CAMTA1: variants seen among roughly 807,000 people sequenced by gnomAD.
The protein encoded by CAMTA1 is calmodulin-binding transcription activator 1.
A neutral mutation model predicts 170.9 loss-of-function variants in CAMTA1; 27 were observed. The ratio of observed to expected loss-of-function variants is 0.16; its 90% CI spans 0.12 to 0.22. CAMTA1 has a LOEUF of 0.22. Ranked by LOEUF, CAMTA1 falls within the 10% of genes least tolerant of loss-of-function variation. CAMTA1 has a pLI of 1.00. For synonymous variants in CAMTA1, 833 were observed against 891.5 expected, an observed-to-expected ratio of 0.93 and a Z score of 1.17; for missense variants, 1,619 against 2,217.2, an observed-to-expected ratio of 0.73 and a Z score of 5.42.
intron 3 of CAMTA1, among the ~76,000 whole-genome samples, chr1:6,982,248 G>A (rs1694562407): frequency 6.6e-6 from 1 of 152,172 alleles, no homozygotes; most frequent in African/African-American, 2.4e-5. Context: ...GATGGCCAGT[G>A]TCTGGGAGAT....
chr1:7,576,871 G>A (rs1315208179), intron 6 of CAMTA1, among the ~76,000 whole-genome samples: 3 of 152,184 alleles, frequency 2.0e-5, no homozygotes, highest in African/African-American at 7.2e-5. Flanking sequence ...CAGAGAGGTA[G>A]GAGGACGGGG....
intron 5 of CAMTA1, among the ~76,000 whole-genome samples, chr1:7,261,504 A>G (rs1040016309): frequency 1.3e-5 from 2 of 152,228 alleles, no homozygotes; most frequent in African/African-American, 4.8e-5. Context: ...GTCAGCTCAC[A>G]TGGGATGTAG....
At chr1:6,877,151 C>T (rs1208622267) in intron 3 of CAMTA1, among the ~76,000 whole-genome samples, 1 of 152,258 alleles carries the variant, frequency 6.6e-6, no homozygotes, top group East Asian at 1.9e-4. Context: ...AACTGCCTGC[C>T]TCTAGACATG....
intron 3 of CAMTA1, among the ~76,000 whole-genome samples, chr1:6,870,118 C>A (rs752829535): frequency 6.6e-6 from 1 of 152,112 alleles, no homozygotes; most frequent in Admixed American, 6.6e-5. Context: ...GAACTTGACT[C>A]GTGTTACACT....
At chr1:6,879,613 CTTTTTTT>C (rs58610375) in intron 3 of CAMTA1, among the ~76,000 whole-genome samples, 13 of 132,874 alleles carry the variant, frequency 9.8e-5, no homozygotes, top group East Asian at 8.5e-4. Flanking sequence ...TTCCTTTTTT[CTTTTTTT>C]TTTTTTTTTT....
chr1:7,424,821 C>A (rs1362553839), intron 5 of CAMTA1, among the ~76,000 whole-genome samples: 1 of 152,048 alleles, frequency 6.6e-6, no homozygotes, highest in Non-Finnish European at 1.5e-5. Context: ...GTGGGGAAGC[C>A]ATCCCTGTCC....
At chr1:7,666,219 C>T (rs2096000607) in intron 9 of CAMTA1, among the ~76,000 whole-genome samples, 1 of 151,692 alleles carries the variant, frequency 6.6e-6, no homozygotes, top group South Asian at 2.1e-4. Context: ...TCTACATCCA[C>T]TGCCTTCACC....
intron 3 of CAMTA1, among the ~76,000 whole-genome samples, chr1:7,066,611 T>C (rs7522545): frequency 0.6 from 91,985 of 152,140 alleles, 27,974 homozygotes; most frequent in Non-Finnish European, 0.62. Flanking sequence ...GCAAAGTGCA[T>C]GAAGTTGAAG....
intron 6 of CAMTA1, among the ~76,000 whole-genome samples, chr1:7,496,803 A>G (rs2093834581): frequency 6.6e-6 from 1 of 151,908 alleles, no homozygotes; most frequent in African/African-American, 2.4e-5. Flanking sequence ...CCCTGGCCCC[A>G]GGCACGGCCA....
chr1:7,747,712 C>G lies in CAMTA1; in HGVS notation c.4620C>G (p.Gly1540=). The G allele has an allele frequency of 3.1e-6, 5 of 1,605,624 alleles. No homozygotes were observed. Among genetic ancestry groups the G allele is most frequent in the Non-Finnish European group, 4.3e-6 (5 of 1,176,304 alleles). ...LVQTAFRKYK[G]RPLREQQEVA... ...TTTCTCCTTACTTTACCCTTAAGGG[C>G]CGACCCTTGCGGGAACAGCAAGAAG... Residue 1540 remains glycine (G), a splice_region_variant and synonymous_variant, in exon 19 of 23, where the codon GGC becomes GGG. Coordinates refer to ENST00000303635, the MANE Select transcript of CAMTA1 (RefSeq NM_015215.4).
intron 5 of CAMTA1, among the ~76,000 whole-genome samples, chr1:7,433,578 C>T (rs1255571400): frequency 6.6e-6 from 1 of 152,206 alleles, no homozygotes; most frequent in Non-Finnish European, 1.5e-5. Context: ...AAAGGACGAG[C>T]CAATTGATGT....
intron 4 of CAMTA1, among the ~76,000 whole-genome samples, chr1:7,118,472 T>A (rs552056389): frequency 3.2e-4 from 48 of 150,096 alleles, no homozygotes; most frequent in East Asian, 8.0e-4. Flanking sequence ...AAAAAAAAAA[T>A]TTTTTTTTGG....
At chr1:7,189,615 C>A (rs371110313) in intron 4 of CAMTA1, among the ~76,000 whole-genome samples, 40 of 152,180 alleles carry the variant, frequency 2.6e-4, no homozygotes, top group African/African-American at 8.9e-4. Context: ...TGGTCATAAT[C>A]AAAAAAATCA....
At chr1:7,630,847 G>C (rs904792518) in intron 6 of CAMTA1, among the ~76,000 whole-genome samples, 1 of 152,216 alleles carries the variant, frequency 6.6e-6, no homozygotes, top group African/African-American at 2.4e-5. Context: ...GGCCGCAGTG[G>C]GAGATCCCTG....
At chr1:7,514,499 G>A (rs2094251746) in intron 6 of CAMTA1, among the ~76,000 whole-genome samples, 1 of 152,236 alleles carries the variant, frequency 6.6e-6, no homozygotes, top group African/African-American at 2.4e-5. Flanking sequence ...GGAGCACCAG[G>A]GGCTGGGAAG....
intron 6 of CAMTA1, among the ~76,000 whole-genome samples, chr1:7,493,369 G>A (rs1325070961): frequency 2.8e-5 from 2 of 71,514 alleles, no homozygotes; most frequent in Admixed American, 1.3e-4. Context: ...ACAAACACAC[G>A]TGCGCACACA....
intron 5 of CAMTA1, among the ~76,000 whole-genome samples, chr1:7,252,171 A>G (rs1472503962): frequency 1.3e-5 from 2 of 152,230 alleles, no homozygotes; most frequent in Admixed American, 6.5e-5. Flanking sequence ...AGGTCTGAGC[A>G]TGTTCAGTTT....
chr1:7,084,900 CTTGGATATA>C lies in CAMTA1; in HGVS notation c.235-6399_235-6391del, dbSNP rs1202799484. 4.0e-4 allele frequency among the ~76,000 whole-genome samples: 61 copies of C among 152,312 alleles called. 1 individual carries two copies. The highest frequency in any genetic ancestry group is 3.9e-3 in the Admixed American group (59 of 15,292). ...TAAAAAATTAGTAAAATCATACTCT[CTTGGATATA>C]TTGGGTTAAAGTATAAAATATTATT... On this transcript the variant is annotated intron_variant, in intron 3 of 22. Coordinates refer to ENST00000303635, the MANE Select transcript of CAMTA1 (RefSeq NM_015215.4).
At chr1:7,288,493 G>A (rs955338022) in intron 5 of CAMTA1, among the ~76,000 whole-genome samples, 1 of 152,204 alleles carries the variant, frequency 6.6e-6, no homozygotes, top group Non-Finnish European at 1.5e-5. Flanking sequence ...CACACTGGTT[G>A]AGTGTGGGCC....
Sources: allele counts gnomAD v4.1 joint callset (sites outside exome capture counted in the v4.1 genomes callset), GRCh38; gene constraint gnomAD v4.1.1; transcripts MANE v1.5; gene names NCBI Gene and HGNC (gene_info 2026-07-23, HGNC 2026-07-21).